The following PIK3C2G variants were observed in gnomAD, a reference collection of about 807,000 sequenced individuals.
The protein encoded by PIK3C2G is phosphatidylinositol 3-kinase C2 domain-containing subunit gamma.
Under a neutral mutation model 181.1 loss-of-function variants are expected in PIK3C2G, and 168 were observed. That is an observed-to-expected ratio of 0.93 (90% CI 0.82 to 1.05). PIK3C2G has a LOEUF of 1.05. Ranked by LOEUF, PIK3C2G falls within the 50% of genes least tolerant of loss-of-function variation. The pLI, the probability that PIK3C2G is intolerant of heterozygous loss-of-function variation, is 0.00. For missense variants in PIK3C2G, 1,869 were observed against 1,732.8 expected (o/e 1.08, Z -1.40); for synonymous variants, 573 against 592.2 (o/e 0.97, Z 0.47).
rs12231968 is a variant in PIK3C2G at position 18,637,347 on chromosome 12, C to T, written c.4183-3082C>T. Among the ~76,000 whole-genome samples, 33 of 151,624 alleles carry T rather than the reference C, an allele frequency of 2.2e-4. No homozygotes were observed. The East Asian group carries it at 5.4e-3, about 25-fold the overall frequency. On this transcript the variant is annotated intron_variant, in intron 31 of 32. Coordinates refer to ENST00000538779, the MANE Select transcript of PIK3C2G (RefSeq NM_001288772.2). ...CAAGTCTAGGAATTAATTGAGAGGC[C>T]GTAACTCTCTGTTTTTATGATTCAG...
chr12:18,456,698 TC>T (rs1947648398), intron 18 of PIK3C2G, among the ~76,000 whole-genome samples: 1 of 152,176 alleles, frequency 6.6e-6, no homozygotes, highest in African/African-American at 2.4e-5. Flanking sequence ...GGTAACCTTT[TC>T]CTATTGGCAC....
the PIK3C2G span, among the ~76,000 whole-genome samples, chr12:18,678,626 ATTCT>A: frequency 6.6e-6 from 1 of 152,024 alleles, no homozygotes; most frequent in Non-Finnish European, 1.5e-5. Flanking sequence ...TTTTGCCTAC[ATTCT>A]TTCATTCATT....
At chr12:18,554,050 G>C (rs1334585807) in intron 26 of PIK3C2G, among the ~76,000 whole-genome samples, 3 of 151,990 alleles carry the variant, frequency 2.0e-5, no homozygotes, top group Non-Finnish European at 4.4e-5. Context: ...TGACTTTCTT[G>C]AGATCACTGG....
chr12:18,252,935 G>A (rs1003648149), intron 1 of PIK3C2G, among the ~76,000 whole-genome samples: 2 of 152,138 alleles, frequency 1.3e-5, no homozygotes, highest in Non-Finnish European at 2.9e-5. Context: ...TTTGGACAGT[G>A]ACTGTCTCTG....
chr12:18,293,343 C>T (rs1949793999), intron 4 of PIK3C2G, among the ~76,000 whole-genome samples: 1 of 152,040 alleles, frequency 6.6e-6, no homozygotes, highest in African/African-American at 2.4e-5. Context: ...GTCTCAGTGA[C>T]AGAACATTGA....
downstream of PIK3C2G, among the ~76,000 whole-genome samples, chr12:18,651,882 G>A (rs2136897152): frequency 6.6e-6 from 1 of 152,270 alleles, no homozygotes; most frequent in East Asian, 1.9e-4. Context: ...AAATAGAAGG[G>A]CATGAAGGAG....
At chr12:18,255,629 G>A (rs989549112) in intron 1 of PIK3C2G, among the ~76,000 whole-genome samples, 1 of 152,124 alleles carries the variant, frequency 6.6e-6, no homozygotes, top group African/African-American at 2.4e-5. Context: ...AACACAACTA[G>A]AATAATCAGG....
At chr12:18,625,229 C>G (rs1400840254) in intron 31 of PIK3C2G, among the ~76,000 whole-genome samples, 5 of 151,400 alleles carry the variant, frequency 3.3e-5, no homozygotes, top group Non-Finnish European at 7.4e-5. Flanking sequence ...TTTCATTTTT[C>G]CTTGTCTTAA....
intron 12 of PIK3C2G, among the ~76,000 whole-genome samples, chr12:18,368,348 C>T (rs12426122): frequency 6.6e-6 from 1 of 151,966 alleles, no homozygotes; most frequent in Non-Finnish European, 1.5e-5. Flanking sequence ...CCATTTTGTG[C>T]AAAAGGAAAA....
chr12:18,325,794 G>A (rs943729062), intron 8 of PIK3C2G, among the ~76,000 whole-genome samples: 2 of 151,938 alleles, frequency 1.3e-5, no homozygotes, highest in Admixed American at 6.6e-5. Flanking sequence ...TGAAATGGCT[G>A]CAGTTAGTGT....
intron 11 of PIK3C2G, among the ~76,000 whole-genome samples, chr12:18,347,646 C>A (rs1939797155): frequency 6.6e-6 from 1 of 151,982 alleles, no homozygotes; most frequent in South Asian, 2.1e-4. Context: ...CCCGTCTCTA[C>A]TAAAAATACA....
At chr12:18,323,467 ATTCCAC>A (rs1301331243) in intron 7 of PIK3C2G, among the ~76,000 whole-genome samples, 2 of 152,202 alleles carry the variant, frequency 1.3e-5, no homozygotes, top group African/African-American at 4.8e-5. Context: ...ATCAGTGCTT[ATTCCAC>A]TTCCATTATG....
chr12:18,696,010 C>A, the PIK3C2G span: 1 of 547,930 alleles, frequency 1.8e-6, no homozygotes, highest in Non-Finnish European at 3.3e-6. Flanking sequence ...ACACATGACC[C>A]ACCATTAGTG....
At chr12:18,599,199 G>T (rs1947556715) in intron 30 of PIK3C2G, among the ~76,000 whole-genome samples, 2 of 152,128 alleles carry the variant, frequency 1.3e-5, no homozygotes, top group African/African-American at 4.8e-5. Flanking sequence ...ACATGCACAC[G>T]TATGCTTATT....
chr12:18,337,215 C>T (rs1938616952), intron 8 of PIK3C2G, among the ~76,000 whole-genome samples: 1 of 152,018 alleles, frequency 6.6e-6, no homozygotes, highest in Non-Finnish European at 1.5e-5. Flanking sequence ...AGAGAGATTT[C>T]TCACTATAGT....
chr12:18,525,398 A>T (rs971158501), intron 24 of PIK3C2G, among the ~76,000 whole-genome samples: 1 of 152,128 alleles, frequency 6.6e-6, no homozygotes, highest in Non-Finnish European at 1.5e-5. Flanking sequence ...CATCTCAAAA[A>T]AAAAAATCTG....
At chr12:18,453,586 C>G (rs1465808811) in intron 18 of PIK3C2G, among the ~76,000 whole-genome samples, 1 of 152,032 alleles carries the variant, frequency 6.6e-6, no homozygotes, top group Non-Finnish European at 1.5e-5. Flanking sequence ...GTTCAACATA[C>G]AAGTTAAATG....
At chr12:18,699,746 A>T in the PIK3C2G span, 53 of 1,542,250 alleles carry the variant, frequency 3.4e-5, no homozygotes, top group Middle Eastern at 1.7e-4. Context: ...CCTAGCAGTG[A>T]ATCTAACTCA....
intron 28 of PIK3C2G, among the ~76,000 whole-genome samples, chr12:18,566,721 A>G (rs12099692): frequency 0.035 from 5,403 of 152,220 alleles, 197 homozygotes; most frequent in African/African-American, 0.093. Flanking sequence ...AATGAATTTA[A>G]TGTGTCAAAT....
Sources: allele counts gnomAD v4.1 joint callset (sites outside exome capture counted in the v4.1 genomes callset), GRCh38; gene constraint gnomAD v4.1.1; transcripts MANE v1.5; gene names NCBI Gene and HGNC (gene_info 2026-07-23, HGNC 2026-07-21).